TAFA1: variants seen among roughly 807,000 people sequenced by gnomAD.
The protein encoded by TAFA1 is chemokine-like protein TAFA-1.
A neutral mutation model predicts 18.5 loss-of-function variants in TAFA1; 4 were observed. The observed-to-expected ratio is 0.22, with a 90% CI of 0.11 to 0.49. The LOEUF is 0.49. Ranked by LOEUF, TAFA1 falls within the 20% of genes least tolerant of loss-of-function variation. The probability of loss-of-function intolerance (pLI) is 0.98; values close to 1 mark genes in which losing one functional copy is unlikely to be tolerated. For missense variants in TAFA1, 147 were observed against 169.0 expected (o/e 0.87, Z 0.72); for synonymous variants, 56 against 55.2 (o/e 1.01, Z -0.06).
At chr3:68,312,159 G>A (rs765100362) in intron 2 of TAFA1, among the ~76,000 whole-genome samples, 8 of 152,152 alleles carry the variant, frequency 5.3e-5, no homozygotes, top group South Asian at 2.1e-4. Context: ...CACACAGCAC[G>A]GGGATCCTGG....
chr3:68,076,468 C>T (rs1207198689), intron 2 of TAFA1, among the ~76,000 whole-genome samples: 1 of 130,724 alleles, frequency 7.6e-6, no homozygotes, highest in African/African-American at 2.8e-5. Context: ...TCCCCCCACC[C>T]CCCACCAGTC....
intron 2 of TAFA1, among the ~76,000 whole-genome samples, chr3:68,137,131 C>G (rs1049832163): frequency 2.6e-5 from 4 of 152,106 alleles, no homozygotes; most frequent in Non-Finnish European, 5.9e-5. Context: ...GGAAAAATCT[C>G]TCTCCTGTTG....
chr3:68,212,606 T>G, intron 2 of TAFA1, among the ~76,000 whole-genome samples: 1 of 152,044 alleles, frequency 6.6e-6, no homozygotes, highest in African/African-American at 2.4e-5. Flanking sequence ...AGTATAAGTG[T>G]GTATCCATTC....
intron 2 of TAFA1, among the ~76,000 whole-genome samples, chr3:68,234,410 G>T (rs572311050): frequency 3.5e-4 from 53 of 152,264 alleles, no homozygotes; most frequent in African/African-American, 1.2e-3. Flanking sequence ...GAGCAACAGG[G>T]ATGCCACCTT....
intron 2 of TAFA1, among the ~76,000 whole-genome samples, chr3:68,074,839 A>C (rs1559727173): frequency 6.6e-6 from 1 of 152,194 alleles, no homozygotes; most frequent in East Asian, 1.9e-4. Context: ...AAAACAAGCT[A>C]TTTAGGTCAT....
In TAFA1 at chr3:68,062,887, T is replaced by C. The variant is rs551470160; in HGVS notation, c.118+56143T>C. On this transcript the variant is annotated intron_variant, in intron 2 of 4. Coordinates refer to ENST00000478136, the MANE Select transcript of TAFA1 (RefSeq NM_213609.4). Reference sequence around the variant, plus strand: ...GGGGAAATAGTGACACCAAAAGCTCTCAAAAGCAATTAGCTAAAAGCACTA... The same window carrying C: ...GGGGAAATAGTGACACCAAAAGCTCCCAAAAGCAATTAGCTAAAAGCACTA... Among the ~76,000 whole-genome samples, 206 of 152,348 alleles carry C rather than the reference T, an allele frequency of 1.4e-3. 3 individuals are homozygous for C. Among genetic ancestry groups the C allele is most frequent in the South Asian group, 1.9e-3 (9 of 4,830 alleles).
intron 2 of TAFA1, among the ~76,000 whole-genome samples, chr3:68,030,191 C>T (rs1477592009): frequency 1.3e-5 from 2 of 151,890 alleles, no homozygotes; most frequent in Non-Finnish European, 2.9e-5. Context: ...AATATCACAA[C>T]AGTAAAACAC....
intron 2 of TAFA1, among the ~76,000 whole-genome samples, chr3:68,287,757 G>A (rs1222756273): frequency 2.6e-5 from 4 of 152,070 alleles, no homozygotes; most frequent in African/African-American, 9.7e-5. Context: ...TCCAATTAGG[G>A]CTATTTATCC....
chr3:68,213,021 AT>A (rs746541365), intron 2 of TAFA1, among the ~76,000 whole-genome samples: 1,886 of 145,054 alleles, frequency 0.013, 25 homozygotes, highest in East Asian at 0.035. Flanking sequence ...AAATGGTGGT[AT>A]TTTTTTTTTT....
chr3:68,443,644 C>A (rs1466879435), intron 3 of TAFA1, among the ~76,000 whole-genome samples: 1 of 152,040 alleles, frequency 6.6e-6, no homozygotes, highest in South Asian at 2.1e-4. Flanking sequence ...AATCAGATCT[C>A]CTGAGGCTCA....
intron 2 of TAFA1, among the ~76,000 whole-genome samples, chr3:68,211,504 GTGGTGATTGAGAT>G (rs1453422833): frequency 3.9e-5 from 6 of 152,016 alleles, no homozygotes; most frequent in African/African-American, 1.2e-4. Flanking sequence ...CAAAAATACT[GTGGTGATTGAGAT>G]AGACAGAATG....
chr3:68,079,869 G>T lies in TAFA1; in HGVS notation c.118+73125G>T, dbSNP rs1183955772. On this transcript the variant is annotated intron_variant, in intron 2 of 4. Coordinates refer to ENST00000478136, the MANE Select transcript of TAFA1 (RefSeq NM_213609.4). ...CTGAGTTCAATTCCTGGGTATCCTT[G>T]TTGACTTTCTGTCCCGTTGATCTGT... is the stretch of plus-strand genomic sequence containing the variant. Among the ~76,000 whole-genome samples, 3 of 152,086 alleles carry T rather than the reference G, an allele frequency of 2.0e-5. No individual in the cohort carries two copies. The South Asian group carries it at 6.2e-4, about 32-fold the overall frequency.
At chr3:68,122,220 C>G (rs574992064) in intron 2 of TAFA1, among the ~76,000 whole-genome samples, 1 of 152,004 alleles carries the variant, frequency 6.6e-6, no homozygotes, top group Admixed American at 6.6e-5. Flanking sequence ...CTGAGGCTTT[C>G]TATGTAATTT....
At chr3:68,122,377 T>A (rs2065410777) in intron 2 of TAFA1, among the ~76,000 whole-genome samples, 1 of 152,196 alleles carries the variant, frequency 6.6e-6, no homozygotes, top group Admixed American at 6.5e-5. Context: ...ACCAGAAGAA[T>A]GTTTTATCTT....
intron 2 of TAFA1, among the ~76,000 whole-genome samples, chr3:68,200,030 CTAAG>C (rs1173170626): frequency 2.0e-5 from 3 of 151,534 alleles, no homozygotes; most frequent in Non-Finnish European, 4.4e-5. Flanking sequence ...TTCTAGTTTA[CTAAG>C]TGTTTAATCA....
intron 3 of TAFA1, among the ~76,000 whole-genome samples, chr3:68,531,622 T>C (rs1467120343): frequency 1.3e-5 from 2 of 152,200 alleles, no homozygotes; most frequent in South Asian, 2.1e-4. Context: ...TCCATCATTT[T>C]GCTTCTTAGA....
intron 3 of TAFA1, among the ~76,000 whole-genome samples, chr3:68,469,600 G>A (rs1240506238): frequency 2.6e-5 from 4 of 152,156 alleles, no homozygotes; most frequent in East Asian, 1.9e-4. Flanking sequence ...GTGAACCCGG[G>A]AGGTGGAGCT....
intron 2 of TAFA1, among the ~76,000 whole-genome samples, chr3:68,024,797 T>TC (rs149851602): frequency 0.03 from 2,690 of 90,014 alleles, 100 homozygotes; most frequent in African/African-American, 0.092. Flanking sequence ...CTAGACCATC[T>TC]CCTTAATGCA....
At chr3:68,454,314 G>A (rs1240173886) in intron 3 of TAFA1, among the ~76,000 whole-genome samples, 1 of 151,974 alleles carries the variant, frequency 6.6e-6, no homozygotes, top group Non-Finnish European at 1.5e-5. Context: ...GATTTTACTA[G>A]CATTTTGAGC....
Sources: allele counts gnomAD v4.1 joint callset (sites outside exome capture counted in the v4.1 genomes callset), GRCh38; gene constraint gnomAD v4.1.1; transcripts MANE v1.5; gene names NCBI Gene and HGNC (gene_info 2026-07-23, HGNC 2026-07-21).